PPP3CA: variants seen among roughly 807,000 people sequenced by gnomAD.
PPP3CA encodes protein phosphatase 3 catalytic subunit alpha.
Under a neutral mutation model 66.5 loss-of-function variants are expected in PPP3CA, and 14 were observed. The observed-to-expected ratio is 0.21, with a 90% confidence interval of 0.14 to 0.33. PPP3CA has a LOEUF of 0.33. Ranked by LOEUF, PPP3CA falls within the 10% of genes least tolerant of loss-of-function variation. The pLI is 1.00. For synonymous variants in PPP3CA, 232 were observed against 226.2 expected, an observed-to-expected ratio of 1.03 and a Z score of -0.23; for missense variants, 317 against 639.5, an observed-to-expected ratio of 0.50 and a Z score of 5.44.
chr4:101,312,797 C>T lies in PPP3CA; in HGVS notation c.58+33942G>A, dbSNP rs117779401. On this transcript the variant is annotated intron_variant, in intron 1 of 13. Transcript: ENST00000394854. ...TAAAATGTATAAAAGACAGTCAAAA[C>T]ACAAAAGTAAGCATAAGTGCTTTCT... Among the ~76,000 whole-genome samples, 26 of 152,128 alleles carry T rather than the reference C, an allele frequency of 1.7e-4. No homozygotes were observed. In the East Asian group the frequency reaches 2.7e-3, roughly 16 times the overall value.
At chr4:101,244,335 T>C (rs911957313) in intron 1 of PPP3CA, among the ~76,000 whole-genome samples, 5 of 152,200 alleles carry the variant, frequency 3.3e-5, no homozygotes, top group African/African-American at 1.2e-4. Context: ...AGGGATCTCC[T>C]ATTTTTTTCA....
chr4:101,066,532 A>G (rs988333424), intron 8 of PPP3CA, among the ~76,000 whole-genome samples: 1 of 152,142 alleles, frequency 6.6e-6, no homozygotes, highest in African/African-American at 2.4e-5. Flanking sequence ...TAGCTCAAAA[A>G]ATCCTAAAAT....
intron 2 of PPP3CA, among the ~76,000 whole-genome samples, chr4:101,119,066 A>G (rs144032622): frequency 6.6e-6 from 1 of 150,830 alleles, no homozygotes; most frequent in African/African-American, 2.4e-5. Flanking sequence ...CAGGGCAGTT[A>G]TTTCAGAAAC....
At chr4:101,129,001 G>A (rs1299745237) in intron 2 of PPP3CA, among the ~76,000 whole-genome samples, 1 of 152,158 alleles carries the variant, frequency 6.6e-6, no homozygotes, top group Non-Finnish European at 1.5e-5. Flanking sequence ...ACACTGACTG[G>A]AAATTCTTGT....
At chr4:101,266,999 A>G (rs1352493984) in intron 1 of PPP3CA, among the ~76,000 whole-genome samples, 1 of 152,208 alleles carries the variant, frequency 6.6e-6, no homozygotes, top group Non-Finnish European at 1.5e-5. Flanking sequence ...TACCATGCCT[A>G]GCTGTCTTTT....
chr4:101,157,866 C>CAAAAAAAAAA (rs770632810), intron 2 of PPP3CA, among the ~76,000 whole-genome samples: 1 of 48,864 alleles, frequency 2.0e-5, no homozygotes, highest in African/African-American at 7.7e-5. Context: ...CCTTAGGAGG[C>CAAAAAAAAAA]AAAAAAAAAA....
chr4:101,310,306 T>A (rs2850367), intron 1 of PPP3CA, among the ~76,000 whole-genome samples: 68,456 of 152,074 alleles, frequency 0.45, 18,407 homozygotes, highest in African/African-American at 0.75. Flanking sequence ...GACTCACAGA[T>A]ATTATTAATG....
intron 3 of PPP3CA, among the ~76,000 whole-genome samples, chr4:101,108,359 A>G (rs1416229484): frequency 6.6e-6 from 1 of 152,234 alleles, no homozygotes; most frequent in Admixed American, 6.5e-5. Flanking sequence ...TTCAATGGAA[A>G]ATGGAATTAT....
chr4:101,048,134 A>T (rs1457974903), intron 10 of PPP3CA, among the ~76,000 whole-genome samples: 2 of 152,028 alleles, frequency 1.3e-5, no homozygotes, highest in Non-Finnish European at 2.9e-5. Context: ...GTCTAAGGAG[A>T]CCTGTGCCTT....
chr4:101,136,495 C>T (rs1212852167), intron 2 of PPP3CA, among the ~76,000 whole-genome samples: 1 of 151,678 alleles, frequency 6.6e-6, no homozygotes, highest in African/African-American at 2.4e-5. Context: ...GAACCAAGAT[C>T]GCGCCAGTGC....
intron 1 of PPP3CA, among the ~76,000 whole-genome samples, chr4:101,212,588 ATGCATCC>A (rs1725330795): frequency 2.0e-5 from 3 of 152,110 alleles, no homozygotes; most frequent in African/African-American, 7.2e-5. Flanking sequence ...TAACAAACCT[ATGCATCC>A]TGCACATGTA....
intron 2 of PPP3CA, among the ~76,000 whole-genome samples, chr4:101,178,423 A>C (rs1159745411): frequency 6.6e-6 from 1 of 152,110 alleles, no homozygotes; most frequent in Non-Finnish European, 1.5e-5. Flanking sequence ...AAAAAGACTT[A>C]CCTTTACATC....
intron 11 of PPP3CA, among the ~76,000 whole-genome samples, chr4:101,036,249 GA>G (rs1304052634): frequency 6.6e-6 from 1 of 152,128 alleles, no homozygotes; most frequent in African/African-American, 2.4e-5. Flanking sequence ...AATTTAAAAT[GA>G]CAGATGTGGC....
intron 2 of PPP3CA, among the ~76,000 whole-genome samples, chr4:101,171,857 G>A (rs1171948022): frequency 6.6e-6 from 1 of 152,080 alleles, no homozygotes; most frequent in Non-Finnish European, 1.5e-5. Context: ...TAGGATATAA[G>A]GATTATGAGA....
chr4:101,110,428 A>G (rs963570890), intron 2 of PPP3CA, among the ~76,000 whole-genome samples: 3 of 152,200 alleles, frequency 2.0e-5, no homozygotes, highest in Admixed American at 2.0e-4. Flanking sequence ...GCTACTAAGA[A>G]CCCACAGCAC....
chr4:101,250,334 G>A (rs1401039016), intron 1 of PPP3CA: 1 of 456,242 alleles, frequency 2.2e-6, no homozygotes, highest in Non-Finnish European at 4.4e-6. Context: ...CTGTACCTGT[G>A]GCTGTATCTT....
intron 1 of PPP3CA, among the ~76,000 whole-genome samples, chr4:101,298,712 T>C (rs1358676234): frequency 1.3e-5 from 2 of 152,202 alleles, no homozygotes; most frequent in Non-Finnish European, 2.9e-5. Flanking sequence ...TAACTTTATG[T>C]TATCCATCAG....
chr4:101,337,858 T>G (rs1729682657), intron 1 of PPP3CA, among the ~76,000 whole-genome samples: 1 of 152,182 alleles, frequency 6.6e-6, no homozygotes, highest in South Asian at 2.1e-4. Context: ...TACTGAGCTT[T>G]TCTAAAAACA....
intron 2 of PPP3CA, among the ~76,000 whole-genome samples, chr4:101,182,217 T>C (rs540920163): frequency 2.1e-4 from 32 of 152,244 alleles, no homozygotes; most frequent in African/African-American, 7.7e-4. Context: ...CAGACAGGCA[T>C]TGGGACAGAT....
Sources: allele counts gnomAD v4.1 joint callset (sites outside exome capture counted in the v4.1 genomes callset), GRCh38; gene constraint gnomAD v4.1.1; transcripts MANE v1.5; gene names NCBI Gene and HGNC (gene_info 2026-07-23, HGNC 2026-07-21).